The following PXT1 variants were observed in gnomAD, a reference collection of about 807,000 sequenced individuals.
PXT1 encodes the protein peroxisomal testis-specific protein 1.
A neutral mutation model predicts 11.0 loss-of-function variants in PXT1; 11 were observed. The ratio of observed to expected loss-of-function variants is 1.00; its 90% CI spans 0.63 to 1.66. The LOEUF is 1.66. Ranked by LOEUF, PXT1 falls within the 40% of genes most tolerant of loss-of-function variation. PXT1 has a pLI of 0.00. For synonymous variants in PXT1, 43 were observed against 51.4 expected (o/e 0.84, Z 0.70); for missense variants, 141 against 155.5 (o/e 0.91, Z 0.49).
intron 2 of PXT1, among the ~76,000 whole-genome samples, chr6:36,426,528 G>A (rs150332749): frequency 4.3e-4 from 66 of 151,904 alleles, no homozygotes; most frequent in African/African-American, 1.4e-3. Context: ...GCGCCACCAC[G>A]CCTGGCTAAT....
At chr6:36,408,546 A>C in intron 3 of PXT1, among the ~76,000 whole-genome samples, 1 of 151,644 alleles carries the variant, frequency 6.6e-6, no homozygotes, top group South Asian at 2.1e-4. Context: ...GGAGTGAGCC[A>C]CCATGCCTGG....
intron 1 of PXT1, among the ~76,000 whole-genome samples, chr6:36,439,803 T>G (rs1012965249): frequency 5.3e-5 from 8 of 152,170 alleles, no homozygotes; most frequent in Non-Finnish European, 1.2e-4. Context: ...TAACAAGAGA[T>G]AAACATTATC....
At chr6:36,411,435 G>C (rs1393885554) in intron 3 of PXT1, among the ~76,000 whole-genome samples, 1 of 151,954 alleles carries the variant, frequency 6.6e-6, no homozygotes, top group Non-Finnish European at 1.5e-5. Flanking sequence ...TGGGCAACAA[G>C]AGTGAAACTC....
intron 3 of PXT1, among the ~76,000 whole-genome samples, chr6:36,411,022 T>C (rs1774365774): frequency 6.6e-6 from 1 of 152,260 alleles, no homozygotes; most frequent in South Asian, 2.1e-4. Flanking sequence ...CATTCTAAGA[T>C]CTTGAATACC....
chr6:36,402,298 G>A (rs1774225378), intron 3 of PXT1, among the ~76,000 whole-genome samples: 1 of 152,166 alleles, frequency 6.6e-6, no homozygotes, highest in Admixed American at 6.5e-5. Flanking sequence ...GGTTAGAGAT[G>A]ATATATTCCC....
rs773581629 is a variant in PXT1, at chr6:36,415,981, TG to T, written c.169+9932del. Among the ~76,000 whole-genome samples the T allele has an allele frequency of 4.8e-4, 73 of 152,074 alleles. 2 individuals are homozygous for T. Among genetic ancestry groups the T allele is most frequent in the Non-Finnish European group, 1.5e-5 (1 of 68,012 alleles). Reference sequence around the variant, plus strand: ...CAATTTTGTATATGAAACAGGAGACTGGTCCATCTGCTAAGAAGGAAAGAGA... The same window carrying T: ...CAATTTTGTATATGAAACAGGAGACTGTCCATCTGCTAAGAAGGAAAGAGA... On this transcript the variant is annotated intron_variant, in intron 3 of 4. Coordinates refer to ENST00000454782, the MANE Select transcript of PXT1 (RefSeq NM_152990.4).
At chr6:36,392,718 G>A (rs1264462003) in intron 4 of PXT1, among the ~76,000 whole-genome samples, 1 of 152,126 alleles carries the variant, frequency 6.6e-6, no homozygotes, top group Admixed American at 6.5e-5. Flanking sequence ...GAGGTGAGGT[G>A]AATATTAAGT....
chr6:36,411,733 A>T (rs1774378374), intron 3 of PXT1, among the ~76,000 whole-genome samples: 1 of 149,970 alleles, frequency 6.7e-6, no homozygotes, highest in South Asian at 2.1e-4. Flanking sequence ...CTTGAGGCCA[A>T]GAGTTCAAAA....
At chr6:36,428,704 T>C (rs1051993894) in intron 2 of PXT1, among the ~76,000 whole-genome samples, 8 of 152,128 alleles carry the variant, frequency 5.3e-5, no homozygotes, top group African/African-American at 1.9e-4. Context: ...TAATAGGTAT[T>C]CATTGAAAAT....
At chr6:36,411,817 T>A (rs1254869702) in intron 3 of PXT1, among the ~76,000 whole-genome samples, 1 of 150,744 alleles carries the variant, frequency 6.6e-6, no homozygotes. Flanking sequence ...GGCGTGGTGA[T>A]GTGTGTCTGT....
chr6:36,404,848 C>T (rs924067321), intron 3 of PXT1, among the ~76,000 whole-genome samples: 2 of 152,074 alleles, frequency 1.3e-5, no homozygotes, highest in Non-Finnish European at 2.9e-5. Flanking sequence ...ATCCCAGCTA[C>T]TAAGGAGGCC....
chr6:36,433,663 C>CA (rs1179555087), intron 2 of PXT1, among the ~76,000 whole-genome samples: 2,152 of 140,128 alleles, frequency 0.015, 41 homozygotes, highest in African/African-American at 0.048. Flanking sequence ...CCAAAAAATA[C>CA]AAAAAAAAAA....
chr6:36,433,063 C>T (rs1288595865), intron 2 of PXT1, among the ~76,000 whole-genome samples: 1 of 151,958 alleles, frequency 6.6e-6, no homozygotes, highest in African/African-American at 2.4e-5. Context: ...GCTTTTAGGA[C>T]TTTATTCTTA....
chr6:36,425,806 ATATATATATAT>A (rs373038242), intron 3 of PXT1, 97 bp downstream of exon 3: 1 of 284,566 alleles, frequency 3.5e-6, no homozygotes, highest in Middle Eastern at 1.0e-3. Flanking sequence ...AAAACAAAAA[ATATATATATAT>A]ATATATATAT....
chr6:36,441,396 GC>G (rs2127420405), intron 1 of PXT1, among the ~76,000 whole-genome samples: 1 of 152,226 alleles, frequency 6.6e-6, no homozygotes, highest in South Asian at 2.1e-4. Flanking sequence ...TTTTCTCCAG[GC>G]ATACAGGAAT....
chr6:36,420,675 A>G (rs1338926542), intron 3 of PXT1, among the ~76,000 whole-genome samples: 1 of 152,226 alleles, frequency 6.6e-6, no homozygotes, highest in African/African-American at 2.4e-5. Context: ...AAGCAAACAT[A>G]TAGCACTTAC....
At chr6:36,420,150 T>C (rs969129777) in intron 3 of PXT1, among the ~76,000 whole-genome samples, 1 of 152,234 alleles carries the variant, frequency 6.6e-6, no homozygotes. Context: ...GGAATTTAGA[T>C]TGGTACAACC....
chr6:36,441,521 A>G (rs994298570), intron 1 of PXT1, among the ~76,000 whole-genome samples: 2 of 152,164 alleles, frequency 1.3e-5, no homozygotes, highest in Admixed American at 1.3e-4. Context: ...GGCAAAGGAG[A>G]GCCCTTACAG....
chr6:36,418,374 G>A (rs1190253707), intron 3 of PXT1, among the ~76,000 whole-genome samples: 1 of 152,146 alleles, frequency 6.6e-6, no homozygotes, highest in Non-Finnish European at 1.5e-5. Flanking sequence ...TAATGGAATG[G>A]TGGGATGGGG....
Sources: allele counts gnomAD v4.1 joint callset (sites outside exome capture counted in the v4.1 genomes callset), GRCh38; gene constraint gnomAD v4.1.1; transcripts MANE v1.5; gene names NCBI Gene and HGNC (gene_info 2026-07-23, HGNC 2026-07-21).